Variants in DET1 observed in about 807,000 individuals in gnomAD.
DET1 encodes DET1 partner of COP1 E3 ubiquitin ligase.
A neutral mutation model predicts 43.7 loss-of-function variants in DET1; 22 were observed. The observed-to-expected ratio is 0.50, with a 90% CI of 0.36 to 0.72. The LOEUF is 0.72. Ranked by LOEUF, DET1 falls within the 30% of genes least tolerant of loss-of-function variation. The pLI, the probability that DET1 is intolerant of heterozygous loss-of-function variation, is 0.00. For synonymous variants in DET1, 315 were observed against 266.2 expected, an observed-to-expected ratio of 1.18 and a Z score of -1.79; for missense variants, 713 against 713.3, an observed-to-expected ratio of 1.00 and a Z score of 0.00.
chr15:88,513,969 T>A (rs1184717712), intron 4 of DET1, among the ~76,000 whole-genome samples: 1 of 150,228 alleles, frequency 6.7e-6, no homozygotes, highest in Non-Finnish European at 1.5e-5. Flanking sequence ...CCGGCTAATT[T>A]TTTGTATTTT....
chr15:88,503,440 A>G (rs1308620171), intron 8 of DET1: 1 of 152,228 alleles, frequency 6.6e-6, no homozygotes, highest in African/African-American at 2.4e-5. Context: ...ATTTTTAGAA[A>G]TCAGTAAAAT....
At chr15:88,541,632 A>C (rs976838317) in intron 1 of DET1, among the ~76,000 whole-genome samples, 2 of 152,154 alleles carry the variant, frequency 1.3e-5, no homozygotes, top group African/African-American at 2.4e-5. Flanking sequence ...AGGATCATTG[A>C]ATCCTACAAT....
chr15:88,518,158 T>G (rs374172055), intron 3 of DET1, among the ~76,000 whole-genome samples: 1 of 148,562 alleles, frequency 6.7e-6, no homozygotes, highest in East Asian at 2.0e-4. Flanking sequence ...CCCAGACTGG[T>G]CTTCAACTCC....
rs2056219647 is a variant in DET1, at chr15:88,512,501, G to A, written c.*450C>T. On this transcript the variant is annotated 3_prime_UTR_variant, in exon 5 of 5. Coordinates refer to ENST00000268148, the MANE Select transcript of DET1 (RefSeq NM_001144074.3). Reference sequence around the variant, plus strand: ...TATATTTAAGTATGAAAATACCATGGCTTTATTTTTCTCTTAAAAAGATAG... The same window carrying A: ...TATATTTAAGTATGAAAATACCATGACTTTATTTTTCTCTTAAAAAGATAG... 2.0e-6 allele frequency: 2 copies of A among 987,304 alleles called. No homozygotes were observed. The highest frequency in any genetic ancestry group is 1.1e-4 in the East Asian group (1 of 8,862). 61.2% of individuals were successfully genotyped at this position (987,304 alleles called of 1,614,324 possible).
At chr15:88,519,474 C>G (rs201372300) in intron 3 of DET1, among the ~76,000 whole-genome samples, 2 of 152,070 alleles carry the variant, frequency 1.3e-5, no homozygotes, top group South Asian at 2.1e-4. Flanking sequence ...CAGGGTAGAC[C>G]GTCACGCTCT....
chr15:88,543,217 A>G (rs1381481636), intron 1 of DET1, among the ~76,000 whole-genome samples: 1 of 152,188 alleles, frequency 6.6e-6, no homozygotes. Flanking sequence ...GAGACACCCA[A>G]TGGCTTATTT....
intron 2 of DET1, among the ~76,000 whole-genome samples, chr15:88,528,187 A>T (rs1483369870): frequency 6.6e-6 from 1 of 152,266 alleles, no homozygotes; most frequent in South Asian, 2.1e-4. Flanking sequence ...AATAAAAAGC[A>T]CTTCTTAAAA....
chr15:88,515,538 TATAAAAAAAAAAAAAAAA>T (rs1466510636), intron 4 of DET1, among the ~76,000 whole-genome samples: 12 of 47,466 alleles, frequency 2.5e-4, no homozygotes, highest in Non-Finnish European at 3.8e-4. Flanking sequence ...GACTCCGTCT[TATAAAAAAAAAAAAAAAA>T]AAAAAAAAAA....
intron 1 of DET1, among the ~76,000 whole-genome samples, chr15:88,540,594 G>A (rs1026937105): frequency 6.6e-6 from 1 of 151,912 alleles, no homozygotes; most frequent in Non-Finnish European, 1.5e-5. Context: ...CTGTGTCTGT[G>A]TAGAAAGAAG....
intron 3 of DET1, among the ~76,000 whole-genome samples, chr15:88,518,600 T>A (rs968190480): frequency 1.3e-5 from 2 of 152,206 alleles, no homozygotes; most frequent in Non-Finnish European, 2.9e-5. Flanking sequence ...TTCACTATCC[T>A]ACAGCTTCTT....
rs1169234053 is a variant in DET1, at chr15:88,532,761, C to T, written c.-10-1046G>A. Reference sequence around the variant, plus strand: ...ACATGCAAAAGAATGAAGTCAGACCCTATCTTACACCCTATACAAAAATTA... The same window carrying T: ...ACATGCAAAAGAATGAAGTCAGACCTTATCTTACACCCTATACAAAAATTA... On this transcript the variant is annotated intron_variant, in intron 1 of 4. Coordinates refer to ENST00000268148, the MANE Select transcript of DET1 (RefSeq NM_001144074.3). 2.0e-5 allele frequency among the ~76,000 whole-genome samples: 3 copies of T among 152,168 alleles called. No individual in the cohort carries two copies. The East Asian group carries it at 5.8e-4, about 29-fold the overall frequency.
Position 88,517,929 on chromosome 15 carries a change from T to C in DET1, c.1272-956A>G, listed in dbSNP as rs565018409. On this transcript the variant is annotated intron_variant, in intron 3 of 4. Transcript: ENST00000268148. ...TATTTCTCATCACTGTCACAAATGC[T>C]AAATTTTATTTTATTTTTATTTTTT... 1.2e-4 allele frequency among the ~76,000 whole-genome samples: 18 copies of C among 152,254 alleles called. 1 individual carries two copies. In the South Asian group the frequency reaches 3.5e-3, roughly 30 times the overall value.
chr15:88,513,475 T>C (rs1333308607), intron 4 of DET1, among the ~76,000 whole-genome samples: 1 of 152,028 alleles, frequency 6.6e-6, no homozygotes, highest in Non-Finnish European at 1.5e-5. Flanking sequence ...AAAAATGAAA[T>C]GCAAGCCACG....
intron 1 of DET1, among the ~76,000 whole-genome samples, chr15:88,533,630 T>C (rs2056873637): frequency 6.6e-6 from 1 of 152,102 alleles, no homozygotes; most frequent in South Asian, 2.1e-4. Flanking sequence ...TGACATATGC[T>C]ACATCACTGA....
intron 3 of DET1, among the ~76,000 whole-genome samples, chr15:88,517,876 T>A (rs2056388590): frequency 6.6e-6 from 1 of 152,176 alleles, no homozygotes; most frequent in Admixed American, 6.5e-5. Context: ...TATATCTGAC[T>A]TATCTTTGAA....
At chr15:88,526,270 A>G (rs990655508) in intron 3 of DET1, among the ~76,000 whole-genome samples, 2 of 152,140 alleles carry the variant, frequency 1.3e-5, no homozygotes, top group Non-Finnish European at 2.9e-5. Flanking sequence ...TGATTCATCC[A>G]CTCACTGTGG....
At chr15:88,542,259 C>T (rs1598352458) in intron 1 of DET1, among the ~76,000 whole-genome samples, 1 of 152,118 alleles carries the variant, frequency 6.6e-6, no homozygotes, top group South Asian at 2.1e-4. Flanking sequence ...CTAGAGACCT[C>T]CTGGAGGAGG....
chr15:88,516,710 A>G lies in DET1; in HGVS notation c.1463+72T>C. 1 of 1,292,702 alleles carries G rather than the reference A, an allele frequency of 7.7e-7. No individual in the cohort carries two copies. The highest frequency in any genetic ancestry group is 1.0e-6 in the Non-Finnish European group (1 of 977,136). The allele number at this position is 1,292,702 out of a possible 1,614,324, so 80.1% of individuals were successfully genotyped here. A position where few individuals can be genotyped will look rare whatever the true frequency, so the allele number is the denominator to read the frequency against. On this transcript the variant is annotated intron_variant, in intron 4 of 4. Transcript: ENST00000268148. This position sits in a 1 kb window ranked among gnomAD's most constrained non-coding sequence, Gnocchi z 4.4. ...TCACAGTCACAATCAAATGATGTCC[A>G]GAAAAAGAGAAAAAGAAAGCAGGCC...
At chr15:88,515,978 AG>A (rs1384741441) in intron 4 of DET1, among the ~76,000 whole-genome samples, 12 of 152,240 alleles carry the variant, frequency 7.9e-5, no homozygotes, top group Non-Finnish European at 1.3e-4. Context: ...AATTTCCCAA[AG>A]GAAATATTAT....
Sources: gnomAD v4.1 joint callset for allele counts (sites outside exome capture counted in the v4.1 genomes callset) on GRCh38, gnomAD v4.1.1 for gene constraint, Gnocchi (gnomAD v3.1) non-coding constraint, MANE v1.5 for transcripts, NCBI Gene and HGNC (gene_info 2026-07-23, HGNC 2026-07-21) for gene names.